LYST: variants seen among roughly 807,000 people sequenced by gnomAD.
LYST encodes the protein lysosomal-trafficking regulator.
A neutral mutation model predicts 413.6 loss-of-function variants in LYST; 192 were observed. The ratio of observed to expected loss-of-function variants is 0.46; its 90% CI spans 0.41 to 0.52. The LOEUF (loss-of-function observed/expected upper bound fraction) is 0.52, where lower values mean the gene tolerates loss of function less well. LYST is among the 20% of genes least tolerant of loss of function. The pLI, the probability that LYST is intolerant of heterozygous loss-of-function variation, is 0.00. For missense variants in LYST, 3,815 were observed against 4,499.9 expected, an observed-to-expected ratio of 0.85 and a Z score of 4.35; for synonymous variants, 1,525 against 1,567.3, an observed-to-expected ratio of 0.97 and a Z score of 0.64.
At chr1:235,681,019 TG>T (rs1659772178) in intron 48 of LYST, among the ~76,000 whole-genome samples, 2 of 152,156 alleles carry the variant, frequency 1.3e-5, no homozygotes. Flanking sequence ...AACCAGGAGC[TG>T]GGGATACAGA....
At chr1:235,735,058 T>C (rs1664706768) in intron 31 of LYST, 1 of 152,908 alleles carries the variant, frequency 6.5e-6, no homozygotes, top group Non-Finnish European at 1.5e-5. Context: ...TTCTAGTCTC[T>C]GTATGTTTGA....
chr1:235,760,072 T>C (rs1667435880), intron 22 of LYST, among the ~76,000 whole-genome samples: 1 of 152,188 alleles, frequency 6.6e-6, no homozygotes, highest in Admixed American at 6.5e-5. Context: ...CTGTGCTGAA[T>C]TTAAGTGAAT....
chr1:235,760,036 CAA>C (rs531342024), intron 22 of LYST, among the ~76,000 whole-genome samples: 23 of 152,180 alleles, frequency 1.5e-4, no homozygotes, highest in African/African-American at 5.5e-4. Context: ...CTGAATGATT[CAA>C]AGTCATTAGG....
intron 37 of LYST, among the ~76,000 whole-genome samples, chr1:235,728,358 G>C (rs1664082766): frequency 1.3e-5 from 2 of 152,092 alleles, no homozygotes; most frequent in South Asian, 2.1e-4. Flanking sequence ...GTTGCAGGGA[G>C]CTCTATTTCA....
chr1:235,849,004 T>C (rs182632019), intron 1 of LYST, among the ~76,000 whole-genome samples: 273 of 152,230 alleles, frequency 1.8e-3, no homozygotes, highest in African/African-American at 6.2e-3. Flanking sequence ...GAACCCTACC[T>C]AATTCATTAT....
chr1:235,813,235 T>C (rs1369375399), intron 3 of LYST, among the ~76,000 whole-genome samples, 174 bp from the exon 4 acceptor site: 1 of 152,234 alleles, frequency 6.6e-6, no homozygotes, highest in Non-Finnish European at 1.5e-5. Flanking sequence ...ACTTTTAAGT[T>C]TATAAGCCTT....
chr1:235,882,126 T>C (rs934212994), intron 1 of LYST, among the ~76,000 whole-genome samples: 8 of 139,622 alleles, frequency 5.7e-5, no homozygotes, highest in African/African-American at 2.6e-4. Context: ...GGCAGAATAC[T>C]TAACCCAGAT....
chr1:235,726,373 T>C (rs1279055399), intron 38 of LYST, among the ~76,000 whole-genome samples: 1 of 152,248 alleles, frequency 6.6e-6, no homozygotes, highest in Non-Finnish European at 1.5e-5. Context: ...AATGTCTTAA[T>C]GAAAATGTAA....
chr1:235,716,795 A>C lies in LYST; in HGVS notation c.9561-17T>G, dbSNP rs774318110. On this transcript the variant is annotated splice_polypyrimidine_tract_variant and intron_variant, in intron 40 of 52. Transcript: ENST00000389793. ...GAGAGATTTCTGCAAGAAAAGGACA[A>C]TTTTAAAAATTAAATATTTTGATAC... 64 of 1,450,456 alleles carry C rather than the reference A, an allele frequency of 4.4e-5. No homozygotes were observed. Among genetic ancestry groups the C allele is most frequent in the Non-Finnish European group, 5.6e-5 (58 of 1,031,714 alleles). The allele number at this position is 1,450,456 out of a possible 1,614,324, so 89.8% of individuals were successfully genotyped here.
chr1:235,844,635 C>T (rs531785950), intron 1 of LYST, among the ~76,000 whole-genome samples: 20 of 152,118 alleles, frequency 1.3e-4, no homozygotes, highest in Non-Finnish European at 1.3e-4. Flanking sequence ...AGAACCTTTA[C>T]TCAAGTCCAC....
chr1:235,743,779 C>T lies in LYST; in HGVS notation c.8151+200G>A, dbSNP rs577003715. 5.9e-5 allele frequency among the ~76,000 whole-genome samples: 9 copies of T among 152,198 alleles called. No individual in the cohort carries two copies. The East Asian group carries it at 1.7e-3, about 29-fold the overall frequency. Reference sequence around the variant, plus strand: ...AGGGTTACAGGCTTAAAAAGCAATGCTTCATGAGTTGAGTCATTTTGGAAA... The same window carrying T: ...AGGGTTACAGGCTTAAAAAGCAATGTTTCATGAGTTGAGTCATTTTGGAAA... On this transcript the variant is annotated intron_variant, in intron 30 of 52. Coordinates refer to ENST00000389793, the MANE Select transcript of LYST (RefSeq NM_000081.4).
rs984418929 is a variant in LYST at position 235,674,818 on chromosome 1, T to C, written c.11038+2273A>G. On this transcript the variant is annotated intron_variant, in intron 50 of 52. Transcript: ENST00000389793. This position sits in a 1 kb window ranked among gnomAD's most constrained non-coding sequence, Gnocchi z 4.1. The stretch of plus-strand genomic sequence containing the variant: ...AAAGCCCTACAGGGCCTTACCACCC[T>C]AGCAAATAAATTAGCCGAAAAGTCA... 6.6e-6 allele frequency among the ~76,000 whole-genome samples: 1 copy of C among 152,152 alleles called. No individual in the cohort carries two copies. The highest frequency in any genetic ancestry group is 1.5e-5 in the Non-Finnish European group (1 of 68,020).
chr1:235,830,188 A>C, intron 3 of LYST, 38 bp downstream of exon 3: 4 of 1,432,924 alleles, frequency 2.8e-6, no homozygotes, highest in Non-Finnish European at 3.9e-6. Flanking sequence ...TAACTATCAT[A>C]TATTGATGAA....
In LYST at chr1:235,744,069, C is replaced by T. The variant is rs1407146678; in HGVS notation, c.8061G>A (p.Glu2687=). 1.3e-6 allele frequency: 2 copies of T among 1,595,204 alleles called. No individual in the cohort carries two copies. The highest frequency in any genetic ancestry group is 2.2e-5 in the East Asian group (1 of 44,612). ...AAGACTGTTCATGATGAATATTTTC[C>T]TCAGAAATTTCGGTCTGGAAAACTG... ...KTSVFQTEIS[E]ENIHHEQSSV... The change falls in exon 30 of 53, where the codon GAG becomes GAA. Residue 2687 remains glutamate (E), a synonymous_variant. Transcript: ENST00000389793.
At chr1:235,840,800 A>G (rs1677117353) in intron 1 of LYST, among the ~76,000 whole-genome samples, 1 of 152,238 alleles carries the variant, frequency 6.6e-6, no homozygotes, top group Non-Finnish European at 1.5e-5. Context: ...TACTCCAAGC[A>G]AATGGTAAGG....
intron 17 of LYST, among the ~76,000 whole-genome samples, chr1:235,776,059 T>G (rs1669198559): frequency 6.6e-6 from 1 of 152,092 alleles, no homozygotes; most frequent in South Asian, 2.1e-4. Flanking sequence ...TTCAATACCT[T>G]GATGAAAGAG....
chr1:235,836,325 A>C (rs1676571148), intron 1 of LYST, among the ~76,000 whole-genome samples: 1 of 152,206 alleles, frequency 6.6e-6, no homozygotes, highest in East Asian at 1.9e-4. Flanking sequence ...TATTATAGTG[A>C]GGTGGAGACA....
At chr1:235,738,156 G>A in intron 31 of LYST, 2 of 1,609,484 alleles carry the variant, frequency 1.2e-6, no homozygotes, top group South Asian at 1.1e-5. Context: ...TCTTGTTGAT[G>A]TCATGGAAGA....
Position 235,733,963 on chromosome 1 carries a change from T to C in LYST, c.8536-57A>G. 2.3e-6 allele frequency: 2 copies of C among 865,134 alleles called. 1 individual carries two copies. The highest frequency in any genetic ancestry group is 3.7e-5 in the South Asian group (2 of 54,232). The allele number at this position is 865,134 out of a possible 1,614,324, so 53.6% of individuals were successfully genotyped here. On this transcript the variant is annotated intron_variant, in intron 32 of 52. Coordinates refer to ENST00000389793, the MANE Select transcript of LYST (RefSeq NM_000081.4). ...AAATTTATTATTTCTCACCTAACAT[T>C]GTCACAGAGCCCAACAAACTAATTT...
Sources: allele counts gnomAD v4.1 joint callset (sites outside exome capture counted in the v4.1 genomes callset), GRCh38; gene constraint gnomAD v4.1.1; non-coding constraint Gnocchi (gnomAD v3.1); transcripts MANE v1.5; gene names NCBI Gene and HGNC (gene_info 2026-07-23, HGNC 2026-07-21).